The following POLR1E variants were observed in gnomAD, a reference collection of about 807,000 sequenced individuals.
The protein encoded by POLR1E is DNA-directed RNA polymerase I subunit RPA49.
In POLR1E, 37 loss-of-function variants were observed where a neutral mutation model predicts 50.9. That is an observed-to-expected ratio of 0.73 (90% CI 0.56 to 0.96). The LOEUF is 0.96. POLR1E is among the 40% of genes least tolerant of loss of function. POLR1E has a pLI of 0.00. For missense variants in POLR1E, 426 were observed against 518.1 expected (o/e 0.82, Z 1.73); for synonymous variants, 166 against 191.6 (o/e 0.87, Z 1.10).
At chr9:37,488,619 A>G (rs80073385) in intron 3 of POLR1E, among the ~76,000 whole-genome samples, 2,537 of 152,122 alleles carry the variant, frequency 0.017, 80 homozygotes, top group African/African-American at 0.058. Flanking sequence ...CCTAGTTCCA[A>G]TTGGTCTCCT....
chr9:37,503,419 G>GA lies in POLR1E; in HGVS notation c.*227dup, dbSNP rs60990519. 8.3e-3 allele frequency: 3,076 copies of GA among 370,350 alleles called. No homozygotes were observed. Among genetic ancestry groups the GA allele is most frequent in the Middle Eastern group, 0.014 (18 of 1,326 alleles). 22.9% of individuals were successfully genotyped at this position (370,350 alleles called of 1,614,324 possible). On this transcript the variant is annotated 3_prime_UTR_variant, in exon 12 of 12. Transcript: ENST00000377798. Reference sequence around the variant, plus strand: ...TAGGGAGACCCCATCTCTACCGGAGGAAAAAAAAAAGAGTCAGGCCTGGTG... The same window carrying GA: ...TAGGGAGACCCCATCTCTACCGGAGGAAAAAAAAAAAGAGTCAGGCCTGGTG...
intron 8 of POLR1E, among the ~76,000 whole-genome samples, chr9:37,497,510 T>G (rs1820806292): frequency 6.6e-6 from 1 of 152,250 alleles, no homozygotes; most frequent in South Asian, 2.1e-4. Flanking sequence ...ATGCCAAGTC[T>G]GGCCTGCTGC....
rs776226800 is a variant in POLR1E at position 37,492,627 on chromosome 9, C to G, written c.344-30C>G. 1.9e-6 allele frequency: 3 copies of G among 1,609,396 alleles called. No individual in the cohort carries two copies. The Admixed American group carries it at 5.0e-5, about 27-fold the overall frequency. The stretch of plus-strand genomic sequence containing the variant: ...TTTGTAGGCCTCCCAATTGACTTTT[C>G]TTTCTCTCTGTTTTTGTGTGTTTTG... On this transcript the variant is annotated intron_variant, in intron 4 of 11. Coordinates refer to ENST00000377798, the MANE Select transcript of POLR1E (RefSeq NM_022490.4).
chr9:37,488,840 A>G (rs1312664200), intron 3 of POLR1E, among the ~76,000 whole-genome samples: 1 of 150,456 alleles, frequency 6.6e-6, no homozygotes, highest in African/African-American at 2.5e-5. Flanking sequence ...TTCCCTCTCT[A>G]TGCAGAGAAT....
chr9:37,496,034 C>A (rs1306070965), intron 8 of POLR1E, 48 bp downstream of exon 8: 5 of 1,418,920 alleles, frequency 3.5e-6, no homozygotes, highest in Non-Finnish European at 5.0e-6. Flanking sequence ...CTGTTGGGAC[C>A]CAACAGTAGT....
intron 2 of POLR1E, among the ~76,000 whole-genome samples, chr9:37,487,284 T>C (rs776244169): frequency 2.6e-5 from 4 of 152,156 alleles, no homozygotes; most frequent in Admixed American, 6.5e-5. Flanking sequence ...TGAGGCCACG[T>C]GGGGAAGAGT....
intron 6 of POLR1E, among the ~76,000 whole-genome samples, chr9:37,494,435 AATTT>A (rs1820747974): frequency 6.6e-6 from 1 of 152,030 alleles, no homozygotes; most frequent in African/African-American, 2.4e-5. Context: ...CACTTTCACA[AATTT>A]ATTTATTGAT....
chr9:37,492,618 T>C, intron 4 of POLR1E, 39 bp from the exon 5 acceptor site: 1 of 1,590,224 alleles, frequency 6.3e-7, no homozygotes, highest in Non-Finnish European at 8.6e-7. Context: ...GGCCTCCCAA[T>C]TGACTTTTCT....
intron 7 of POLR1E, among the ~76,000 whole-genome samples, chr9:37,495,529 ACT>A (rs1276434535): frequency 6.6e-6 from 1 of 152,082 alleles, no homozygotes; most frequent in Non-Finnish European, 1.5e-5. Context: ...TGTGGGGCTC[ACT>A]CTCCATGGAG....
At chr9:37,493,487 C>T in intron 5 of POLR1E, 72 bp from the exon 6 acceptor site, 1 of 1,333,938 alleles carries the variant, frequency 7.5e-7, no homozygotes, top group Non-Finnish European at 1.0e-6. Flanking sequence ...AGAGTATCCC[C>T]ATAGTGACAC....
intron 11 of POLR1E, 40 bp downstream of exon 11, chr9:37,501,884 C>G (rs112505125): frequency 1.9e-6 from 3 of 1,584,656 alleles, no homozygotes; most frequent in Admixed American, 3.7e-5. Context: ...CAGGGTGTCT[C>G]GATGTCTTAT....
At position 37,486,413 on chromosome 9, in the gene POLR1E, G is replaced by A. The variant is rs760227574; in HGVS notation, c.76+290G>A. On this transcript the variant is annotated intron_variant, in intron 1 of 11. Transcript: ENST00000377798. ...CTCCCCCATTTCCCTCTCTTCACTGGGCAGGGGTTCCTTCTGTCACTTTAG... is the reference window on the plus strand; with the variant it reads ...CTCCCCCATTTCCCTCTCTTCACTGAGCAGGGGTTCCTTCTGTCACTTTAG... The A allele has an allele frequency of 3.3e-6, 5 of 1,526,078 alleles. No homozygotes were observed. The African/African-American group carries it at 6.9e-5, about 21-fold the overall frequency. The allele number at this position is 1,526,078 out of a possible 1,614,324, so 94.5% of individuals were successfully genotyped here. A position where few individuals can be genotyped will look rare whatever the true frequency, so the allele number is the denominator to read the frequency against.
In POLR1E at chr9:37,501,784, T is replaced by C. The variant is rs1207141325; in HGVS notation, c.1040T>C (p.Ile347Thr). The C allele has an allele frequency of 6.2e-7, 1 of 1,614,066 alleles. No homozygotes were observed. Among genetic ancestry groups the C allele is most frequent in the South Asian group, 1.1e-5 (1 of 91,076 alleles). Reference sequence around the variant, plus strand: ...TATGTGATCATACTTGCCTTGCACATACATGACTTCCAAATTGACCTGACA... The same window carrying C: ...TATGTGATCATACTTGCCTTGCACACACATGACTTCCAAATTGACCTGACA... Reference protein sequence around the residue: ...TAYVIILALHIHDFQIDLTVL... With the variant: ...TAYVIILALHTHDFQIDLTVL... The change falls in exon 11 of 12, where the codon ATA (isoleucine) becomes ACA (threonine). Residue 347 changes from isoleucine (I) to threonine (T), a missense_variant. Ile to Thr is a moderately conservative substitution (Grantham distance 89, BLOSUM62 -1). Coordinates refer to ENST00000377798, the MANE Select transcript of POLR1E (RefSeq NM_022490.4).
Position 37,493,571 on chromosome 9 carries a change from A to G in POLR1E, c.415A>G (p.Ile139Val), listed in dbSNP as rs1416061079. 1 of 1,603,236 alleles carries G rather than the reference A, an allele frequency of 6.2e-7. No homozygotes were observed. The highest frequency in any genetic ancestry group is 8.5e-7 in the Non-Finnish European group (1 of 1,174,064). ...KTYREKMDSC[I>V]EAFGTTKQKR... ...ATCTCATAAACAGATGGATTCTTGTATTGAAGCCTTTGGTACCACCAAACA... is the reference window on the plus strand; with the variant it reads ...ATCTCATAAACAGATGGATTCTTGTGTTGAAGCCTTTGGTACCACCAAACA... Residue 139 changes from isoleucine (I) to valine (V), a missense_variant, in exon 6 of 12, where the codon ATT becomes GTT. Physicochemically the swap from Ile to Val is conservative, Grantham distance 29. Coordinates refer to ENST00000377798, the MANE Select transcript of POLR1E (RefSeq NM_022490.4).
Position 37,503,311 on chromosome 9 carries a change from C to T in POLR1E, c.*109C>T. ...AAAAGAAAAGGTCCGGGGATGGTGGCTCACACCTGAAATCCCAGCACTTTG... is the reference window on the plus strand; with the variant it reads ...AAAAGAAAAGGTCCGGGGATGGTGGTTCACACCTGAAATCCCAGCACTTTG... On this transcript the variant is annotated 3_prime_UTR_variant, in exon 12 of 12. Coordinates refer to ENST00000377798, the MANE Select transcript of POLR1E (RefSeq NM_022490.4). The T allele has an allele frequency of 3.7e-6, 5 of 1,342,564 alleles. No individual in the cohort carries two copies. The highest frequency in any genetic ancestry group is 5.0e-6 in the Non-Finnish European group (5 of 1,010,036). 83.2% of individuals were successfully genotyped at this position (1,342,564 alleles called of 1,614,324 possible).
At chr9:37,487,836 A>G (rs371505930) in intron 2 of POLR1E, 27 bp from the exon 3 acceptor site, 1 of 1,606,990 alleles carries the variant, frequency 6.2e-7, no homozygotes, top group South Asian at 1.1e-5. Flanking sequence ...TTGGTTGTAA[A>G]TGGAGTTTCC....
intron 11 of POLR1E, among the ~76,000 whole-genome samples, chr9:37,502,337 G>A (rs947319985): frequency 2.0e-5 from 3 of 152,202 alleles, no homozygotes; most frequent in Admixed American, 1.3e-4. Context: ...CAGATGGAAG[G>A]GTTTGCCAGG....
chr9:37,494,338 C>A (rs967114153), intron 6 of POLR1E, among the ~76,000 whole-genome samples: 5 of 151,916 alleles, frequency 3.3e-5, no homozygotes, highest in African/African-American at 1.2e-4. Context: ...ACCACTGTGC[C>A]CTGGGCAGAG....
intron 9 of POLR1E, among the ~76,000 whole-genome samples, chr9:37,500,635 C>T (rs762187258): frequency 2.6e-5 from 4 of 152,206 alleles, no homozygotes; most frequent in South Asian, 4.1e-4. Flanking sequence ...CAGCATCTCT[C>T]GTGCAGGGCA....
Sources: allele counts gnomAD v4.1 joint callset (sites outside exome capture counted in the v4.1 genomes callset), GRCh38; gene constraint gnomAD v4.1.1; transcripts MANE v1.5; gene names NCBI Gene and HGNC (gene_info 2026-07-23, HGNC 2026-07-21).